APBA1: variants seen among roughly 807,000 people sequenced by gnomAD.
APBA1 encodes the protein amyloid beta precursor protein binding family A member 1.
Under a neutral mutation model 86.6 loss-of-function variants are expected in APBA1, and 55 were observed. The observed-to-expected ratio is 0.64, with a 90% CI of 0.51 to 0.80. The LOEUF is 0.80. APBA1 is among the 30% of genes least tolerant of loss of function. The pLI is 0.00. For missense variants in APBA1, 1,090 were observed against 1,183.0 expected (o/e 0.92, Z 1.15); for synonymous variants, 511 against 493.9 (o/e 1.03, Z -0.46).
intron 1 of APBA1, among the ~76,000 whole-genome samples, chr9:69,616,120 C>A (rs910676350): frequency 6.6e-6 from 1 of 152,166 alleles, no homozygotes; most frequent in African/African-American, 2.4e-5. Flanking sequence ...TCTAGGAGAT[C>A]TTTTAGTCCA....
intron 1 of APBA1, among the ~76,000 whole-genome samples, chr9:69,601,360 G>T (rs962107597): frequency 1.3e-5 from 2 of 152,106 alleles, no homozygotes; most frequent in African/African-American, 4.8e-5. Context: ...GAAAATACAA[G>T]AAAATTGCCT....
chr9:69,588,310 A>G (rs1298022313), intron 1 of APBA1, among the ~76,000 whole-genome samples: 1 of 152,204 alleles, frequency 6.6e-6, no homozygotes. Flanking sequence ...GGAGAATTAA[A>G]GAGCTACAAA....
At chr9:69,454,385 T>C (rs1407408608) in intron 8 of APBA1, among the ~76,000 whole-genome samples, 1 of 152,214 alleles carries the variant, frequency 6.6e-6, no homozygotes, top group East Asian at 1.9e-4. Flanking sequence ...TGGATGCCCC[T>C]GGTGAATACA....
At chr9:69,574,743 G>A (rs562262389) in intron 1 of APBA1, among the ~76,000 whole-genome samples, 1 of 152,210 alleles carries the variant, frequency 6.6e-6, no homozygotes, top group Admixed American at 6.5e-5. Flanking sequence ...AGCAAAACAA[G>A]CAAAAATACT....
At chr9:69,637,999 T>C (rs4629937) in intron 1 of APBA1, among the ~76,000 whole-genome samples, 96,969 of 152,138 alleles carry the variant, frequency 0.64, 34,210 homozygotes, top group East Asian at 0.97. Context: ...TCATGAGTCA[T>C]GACATTACCA....
chr9:69,508,656 CA>C (rs1835977040), intron 2 of APBA1, among the ~76,000 whole-genome samples: 1 of 37,734 alleles, frequency 2.7e-5, no homozygotes, highest in South Asian at 8.3e-4. Flanking sequence ...CAAAATTGAC[CA>C]CATACTTGGA....
intron 1 of APBA1, among the ~76,000 whole-genome samples, chr9:69,562,217 T>C (rs970592728): frequency 6.6e-6 from 1 of 152,178 alleles, no homozygotes; most frequent in Non-Finnish European, 1.5e-5. Context: ...ATGACTATTA[T>C]GTGTCAGTTA....
chr9:69,553,591 T>C (rs1324322813), intron 1 of APBA1, among the ~76,000 whole-genome samples: 1 of 152,224 alleles, frequency 6.6e-6, no homozygotes, highest in Non-Finnish European at 1.5e-5. Flanking sequence ...GGTATGAATA[T>C]ACTTCAATTT....
At chr9:69,658,083 T>C (rs1004245809) in intron 1 of APBA1, among the ~76,000 whole-genome samples, 1 of 152,138 alleles carries the variant, frequency 6.6e-6, no homozygotes, top group Non-Finnish European at 1.5e-5. Context: ...CACACACATG[T>C]ATCACTAGGA....
intron 1 of APBA1, among the ~76,000 whole-genome samples, chr9:69,657,167 T>G (rs1371911717): frequency 6.6e-6 from 1 of 152,216 alleles, no homozygotes; most frequent in African/African-American, 2.4e-5. Context: ...CTAAGAGACC[T>G]GCCTAAAATT....
chr9:69,557,878 G>C (rs1836887449), intron 1 of APBA1, among the ~76,000 whole-genome samples: 1 of 152,168 alleles, frequency 6.6e-6, no homozygotes, highest in Non-Finnish European at 1.5e-5. Context: ...ATGTATGTAT[G>C]TTGTGCTTGA....
rs1018659625 is a variant in APBA1, at chr9:69,467,987, C to G, written c.1337-19G>C. ...CCCGGAACTGTAACACATAGAGCCA[C>G]AGTGAGGAAGCCATCCTGGGGTGGG... On this transcript the variant is annotated intron_variant, in intron 4 of 12. Coordinates refer to ENST00000265381, the MANE Select transcript of APBA1 (RefSeq NM_001163.4). 32 of 1,611,268 alleles carry G rather than the reference C, an allele frequency of 2.0e-5. No homozygotes were observed. Among genetic ancestry groups the G allele is most frequent in the Non-Finnish European group, 2.7e-5 (32 of 1,177,882 alleles).
chr9:69,483,277 T>G (rs1197183058), intron 2 of APBA1, among the ~76,000 whole-genome samples: 3 of 151,680 alleles, frequency 2.0e-5, no homozygotes, highest in African/African-American at 7.3e-5. Flanking sequence ...TAAACAGAGA[T>G]GTATTCTCTC....
At chr9:69,665,094 A>G (rs1823820376) in intron 1 of APBA1, among the ~76,000 whole-genome samples, 1 of 152,056 alleles carries the variant, frequency 6.6e-6, no homozygotes, top group Non-Finnish European at 1.5e-5. Flanking sequence ...GTGTCTCTGG[A>G]GCTTGCTCAG....
At chr9:69,620,433 C>G (rs1369090580) in intron 1 of APBA1, among the ~76,000 whole-genome samples, 2 of 152,078 alleles carry the variant, frequency 1.3e-5, no homozygotes, top group African/African-American at 4.8e-5. Context: ...GTAATCCCAG[C>G]ACTTTGGGAG....
chr9:69,516,901 A>T lies in APBA1; in HGVS notation c.310T>A (p.Tyr104Asn). The change falls in exon 2 of 13, where the codon TAC becomes AAC. Residue 104 changes from tyrosine (Y) to asparagine (N), a missense_variant. By Grantham distance (143) the Tyr-to-Asn change is moderately radical (BLOSUM62 -2). Transcript: ENST00000265381. The surrounding 1 kb of genome is among the most constrained non-coding windows in gnomAD (Gnocchi z 7.3). Reference protein sequence around the residue: ...GDVIAAARDGYDAERAQDPED... With the variant: ...GDVIAAARDGNDAERAQDPED... ...GGGTCCTGCGCGCGCTCCGCATCGT[A>T]GCCGTCGCGGGCCGCGGCGATCACG... The T allele has an allele frequency of 6.3e-7, 1 of 1,594,332 alleles. No individual in the cohort carries two copies. Among genetic ancestry groups the T allele is most frequent in the Non-Finnish European group, 8.5e-7 (1 of 1,176,900 alleles).
intron 1 of APBA1, among the ~76,000 whole-genome samples, chr9:69,618,984 G>A (rs969639945): frequency 6.6e-6 from 1 of 152,172 alleles, no homozygotes; most frequent in South Asian, 2.1e-4. Context: ...TAATGGAGAT[G>A]CAGTCTGCAG....
intron 1 of APBA1, among the ~76,000 whole-genome samples, chr9:69,524,283 A>G (rs911211053): frequency 1.3e-5 from 2 of 152,182 alleles, no homozygotes; most frequent in Non-Finnish European, 2.9e-5. Context: ...ACATAGAATC[A>G]GTGAAGCCAA....
chr9:69,530,304 G>GTA (rs1836405464), intron 1 of APBA1, among the ~76,000 whole-genome samples: 1 of 95,434 alleles, frequency 1.0e-5, no homozygotes, highest in Non-Finnish European at 2.4e-5. Flanking sequence ...AGTTGTGTGT[G>GTA]TGTATATATA....
Sources: allele counts gnomAD v4.1 joint callset (sites outside exome capture counted in the v4.1 genomes callset), GRCh38; gene constraint gnomAD v4.1.1; non-coding constraint Gnocchi (gnomAD v3.1); transcripts MANE v1.5; gene names NCBI Gene and HGNC (gene_info 2026-07-23, HGNC 2026-07-21).